HS2ST1: variants seen among roughly 807,000 people sequenced by gnomAD.
The protein encoded by HS2ST1 is heparan sulfate 2-O-sulfotransferase 1, also known as 2-O-sulfotransferase.
A neutral mutation model predicts 42.9 loss-of-function variants in HS2ST1; 18 were observed. The ratio of observed to expected loss-of-function variants is 0.42; its 90% CI spans 0.29 to 0.62. The LOEUF (loss-of-function observed/expected upper bound fraction) is 0.62. HS2ST1 is among the 20% of genes least tolerant of loss of function. The pLI, the probability that HS2ST1 is intolerant of heterozygous loss-of-function variation, is 0.21. For missense variants in HS2ST1, 334 were observed against 433.8 expected (o/e 0.77, Z 2.04); for synonymous variants, 146 against 152.9 (o/e 0.95, Z 0.33).
chr1:86,929,499 A>G (rs1660495606), intron 1 of HS2ST1, among the ~76,000 whole-genome samples: 1 of 151,828 alleles, frequency 6.6e-6, no homozygotes, highest in Non-Finnish European at 1.5e-5. Context: ...AAATTCTAGA[A>G]AAGCTATGGC....
intron 1 of HS2ST1, chr1:86,993,254 C>G: frequency 1.7e-6 from 2 of 1,182,708 alleles, no homozygotes; most frequent in Non-Finnish European, 2.3e-6. Context: ...AATCTAAAAA[C>G]TGATAATAGG....
At chr1:87,000,425 T>C (rs1052684248) in intron 1 of HS2ST1, among the ~76,000 whole-genome samples, 2 of 152,200 alleles carry the variant, frequency 1.3e-5, no homozygotes, top group African/African-American at 4.8e-5. Flanking sequence ...GTAGAACATA[T>C]CTCTCAGCTT....
intron 1 of HS2ST1, among the ~76,000 whole-genome samples, chr1:86,981,697 ACTCTGCCCTTGTGG>A (rs1179210780): frequency 6.6e-6 from 1 of 152,178 alleles, no homozygotes; most frequent in African/African-American, 2.4e-5. Flanking sequence ...GGCCTTGGGC[ACTCTGCCCTTGTGG>A]CTCTGCAGGG....
chr1:86,962,662 A>G (rs1045164316), intron 1 of HS2ST1, among the ~76,000 whole-genome samples: 2 of 152,246 alleles, frequency 1.3e-5, no homozygotes, highest in Non-Finnish European at 2.9e-5. Flanking sequence ...TGTGATTTAC[A>G]GGTGAATTAC....
At chr1:87,062,827 C>T (rs1333947840) in intron 1 of HS2ST1, among the ~76,000 whole-genome samples, 1 of 152,130 alleles carries the variant, frequency 6.6e-6, no homozygotes, top group East Asian at 1.9e-4. Flanking sequence ...TATTTCAGCA[C>T]TTGAAAAACA....
chr1:86,956,534 A>G (rs1647683558), intron 1 of HS2ST1: 1 of 152,246 alleles, frequency 6.6e-6, no homozygotes, highest in African/African-American at 2.4e-5. Flanking sequence ...TCTGATTTTC[A>G]GCAGTGTGAA....
chr1:86,925,004 T>C (rs916903155), intron 1 of HS2ST1, among the ~76,000 whole-genome samples: 1 of 152,238 alleles, frequency 6.6e-6, no homozygotes, highest in African/African-American at 2.4e-5. Flanking sequence ...CTTTTAAAAT[T>C]GAATGCCTTT....
chr1:87,104,472 A>G lies in HS2ST1; in HGVS notation c.847A>G (p.Lys283Glu). Residue 283 changes from lysine to glutamate, a missense_variant and splice_region_variant, in exon 7 of 7, where the codon AAG (lysine) becomes GAG (glutamate). Coordinates refer to ENST00000370550, the MANE Select transcript of HS2ST1 (RefSeq NM_012262.4). Reference protein sequence around the residue: ...RGATELYRTGKKSHLRKTTEK... With the variant: ...RGATELYRTGEKSHLRKTTEK... ...TTTTTTTCCCCCTTTGTAAGTAGGA[A>G]AGAAATCTCATCTTAGGAAAACCAC... 1.9e-6 allele frequency: 3 copies of G among 1,600,590 alleles called. No individual in the cohort carries two copies. The highest frequency in any genetic ancestry group is 2.6e-6 in the Non-Finnish European group (3 of 1,170,216).
rs1290284399 is a variant in HS2ST1, at chr1:87,104,130, G to T, written c.845-340G>T. On this transcript the variant is annotated intron_variant, in intron 6 of 6. Coordinates refer to ENST00000370550, the MANE Select transcript of HS2ST1 (RefSeq NM_012262.4). ...ATTATGAGAAAATAGAATACAGTTT[G>T]ACAATAGGTATTTTATCAAAAATAA... Among the ~76,000 whole-genome samples the T allele has an allele frequency of 2.0e-5, 3 of 152,218 alleles. No homozygotes were observed. The East Asian group carries it at 5.8e-4, about 29-fold the overall frequency.
intron 1 of HS2ST1, among the ~76,000 whole-genome samples, chr1:87,000,901 C>A (rs1217277254): frequency 3.9e-5 from 6 of 152,148 alleles, no homozygotes; most frequent in Admixed American, 3.9e-4. Flanking sequence ...AACATGCCTA[C>A]TGTTCTAGAG....
At chr1:87,016,864 GT>G (rs5775931) in intron 1 of HS2ST1, among the ~76,000 whole-genome samples, 114,733 of 148,928 alleles carry the variant, frequency 0.77, 45,004 homozygotes, top group East Asian at 0.97. Flanking sequence ...TGGTTATTGG[GT>G]TTTTTTTTTT....
At chr1:87,036,938 A>G (rs1650389333) in intron 1 of HS2ST1, among the ~76,000 whole-genome samples, 1 of 152,190 alleles carries the variant, frequency 6.6e-6, no homozygotes, top group African/African-American at 2.4e-5. Flanking sequence ...ATAAGCTCCA[A>G]ATATCTGGAA....
intron 1 of HS2ST1, among the ~76,000 whole-genome samples, chr1:86,998,198 G>A (rs532440399): frequency 1.4e-4 from 22 of 152,232 alleles, no homozygotes; most frequent in African/African-American, 4.1e-4. Flanking sequence ...TATATAAACA[G>A]CTTTTAAATG....
At chr1:87,006,978 T>C (rs908370901) in intron 1 of HS2ST1, among the ~76,000 whole-genome samples, 2 of 152,076 alleles carry the variant, frequency 1.3e-5, no homozygotes, top group East Asian at 3.8e-4. Flanking sequence ...AGCAGTCTTA[T>C]AAAAGAGAAG....
At chr1:87,090,743 G>T (rs1390738177) in intron 3 of HS2ST1, among the ~76,000 whole-genome samples, 1 of 151,858 alleles carries the variant, frequency 6.6e-6, no homozygotes, top group Non-Finnish European at 1.5e-5. Flanking sequence ...CACACAGTCT[G>T]CACTCACTCC....
At chr1:87,078,812 A>G (rs1651610582) in intron 2 of HS2ST1, among the ~76,000 whole-genome samples, 1 of 152,302 alleles carries the variant, frequency 6.6e-6, no homozygotes, top group East Asian at 1.9e-4. Flanking sequence ...AGCATGCCCA[A>G]GAGAAATACC....
In HS2ST1 at chr1:87,074,476, A is replaced by G. The variant is rs186830498; in HGVS notation, c.363+1304A>G. On this transcript the variant is annotated intron_variant, in intron 2 of 6. Coordinates refer to ENST00000370550, the MANE Select transcript of HS2ST1 (RefSeq NM_012262.4). Reference sequence around the variant, plus strand: ...GATTTATTCAGTAGTACTTTTTAGAAAAATAATGTTAATTTGTTTGTTCAG... The same window carrying G: ...GATTTATTCAGTAGTACTTTTTAGAGAAATAATGTTAATTTGTTTGTTCAG... 2.1e-3 allele frequency among the ~76,000 whole-genome samples: 318 copies of G among 152,334 alleles called. 1 individual carries two copies. The highest frequency in any genetic ancestry group is 7.3e-3 in the African/African-American group (304 of 41,584).
chr1:86,925,401 G>A (rs1050578919), intron 1 of HS2ST1, among the ~76,000 whole-genome samples: 56 of 152,128 alleles, frequency 3.7e-4, no homozygotes, highest in African/African-American at 1.2e-3. Flanking sequence ...CCCACTCTAT[G>A]ATACCAGTTT....
chr1:87,103,397 A>G, intron 5 of HS2ST1, 35 bp from the exon 6 acceptor site: 2 of 1,558,688 alleles, frequency 1.3e-6, no homozygotes, highest in Non-Finnish European at 1.7e-6. Flanking sequence ...AGCAGATTTC[A>G]CAACCAGGTT....
Sources: allele counts gnomAD v4.1 joint callset (sites outside exome capture counted in the v4.1 genomes callset), GRCh38; gene constraint gnomAD v4.1.1; transcripts MANE v1.5; gene names NCBI Gene and HGNC (gene_info 2026-07-23, HGNC 2026-07-21).